FYN: variants seen among roughly 807,000 people sequenced by gnomAD.
FYN encodes tyrosine-protein kinase Fyn.
In FYN, 10 loss-of-function variants were observed where a neutral mutation model predicts 70.2. The observed-to-expected ratio is 0.14, with a 90% CI of 0.09 to 0.24. The LOEUF is 0.24. Ranked by LOEUF, FYN falls within the 10% of genes least tolerant of loss-of-function variation. The pLI is 1.00. For missense variants in FYN, 319 were observed against 673.1 expected (o/e 0.47, Z 5.82); for synonymous variants, 236 against 248.6 (o/e 0.95, Z 0.48).
intron 3 of FYN, chr6:111,759,832 GA>G (rs920597650): frequency 1.3e-5 from 2 of 152,196 alleles, no homozygotes; most frequent in Admixed American, 1.3e-4. Context: ...TTCAGAAAGT[GA>G]AAAATATTTA....
chr6:111,698,935 T>C (rs1019236851), intron 9 of FYN, among the ~76,000 whole-genome samples: 7 of 151,912 alleles, frequency 4.6e-5, no homozygotes, highest in African/African-American at 1.7e-4. Context: ...ATACAAAAAT[T>C]AGCTGGGCGT....
At chr6:111,752,341 C>T (rs1802526539) in intron 3 of FYN, among the ~76,000 whole-genome samples, 1 of 152,172 alleles carries the variant, frequency 6.6e-6, no homozygotes, top group Non-Finnish European at 1.5e-5. Context: ...AGCTATCAGC[C>T]CACTGGAGCA....
chr6:111,681,908 C>T (rs1460804684), intron 12 of FYN, among the ~76,000 whole-genome samples: 4 of 151,938 alleles, frequency 2.6e-5, no homozygotes, highest in Middle Eastern at 6.8e-3. Flanking sequence ...GGATTTGAAC[C>T]GAAGGTGCCA....
intron 1 of FYN, among the ~76,000 whole-genome samples, chr6:111,867,232 G>C (rs575167634): frequency 2.6e-5 from 4 of 152,204 alleles, no homozygotes; most frequent in Admixed American, 2.6e-4. Context: ...AGCACTTTGG[G>C]AAGCTGAGGT....
intron 3 of FYN, among the ~76,000 whole-genome samples, chr6:111,765,583 AC>A (rs1803198412): frequency 6.6e-6 from 1 of 152,072 alleles, no homozygotes; most frequent in East Asian, 1.9e-4. Context: ...AGGAACCTTT[AC>A]CTATTTCTCT....
At chr6:111,817,542 C>T (rs182658225) in intron 2 of FYN, among the ~76,000 whole-genome samples, 399 of 152,312 alleles carry the variant, frequency 2.6e-3, no homozygotes, top group Non-Finnish European at 4.5e-3. Flanking sequence ...TGCTATTTCA[C>T]TGGTTTGACT....
In FYN at chr6:111,787,511, CAA is replaced by C. The variant is rs1253849521; in HGVS notation, c.-81-6878_-81-6877del. Among the ~76,000 whole-genome samples, 3 of 151,990 alleles carry C rather than the reference CAA, an allele frequency of 2.0e-5. No individual in the cohort carries two copies. The East Asian group carries it at 5.8e-4, about 29-fold the overall frequency. ...AGTCAGGTAGCGTGATGCCTCCAGGCAAAGACAGGATTTTAACTCAAGACCCA... is the reference window on the plus strand; with the variant it reads ...AGTCAGGTAGCGTGATGCCTCCAGGCAGACAGGATTTTAACTCAAGACCCA... On this transcript the variant is annotated intron_variant, in intron 2 of 13. Transcript: ENST00000354650.
intron 10 of FYN, 123 bp downstream of exon 10, chr6:111,696,154 C>G: frequency 1.2e-6 from 1 of 810,634 alleles, no homozygotes; most frequent in South Asian, 2.9e-5. Context: ...ACTGGTGGTT[C>G]CTAATGGGAA....
intron 12 of FYN, among the ~76,000 whole-genome samples, chr6:111,692,369 T>C (rs754024949): frequency 2.0e-5 from 3 of 152,014 alleles, no homozygotes; most frequent in Admixed American, 6.6e-5. Flanking sequence ...TCAGGACAGC[T>C]AATGCAGAGG....
chr6:111,696,343 G>A lies in FYN; in HGVS notation c.976C>T (p.Leu326=). ...GACACCACTGCATAGAGCTGGACCA[G>A]CTTGTCGTGCTTCAGCTTCTTCATG... ...QIMKKLKHDK[L]VQLYAVVSEE... Residue 326 remains leucine (L), a synonymous_variant, in exon 10 of 14, where the codon CTG becomes TTG. Transcript: ENST00000354650. The A allele has an allele frequency of 6.2e-7, 1 of 1,614,000 alleles. No individual in the cohort carries two copies. Among genetic ancestry groups the A allele is most frequent in the Non-Finnish European group, 8.5e-7 (1 of 1,179,954 alleles).
At chr6:111,815,418 T>A (rs1772455136) in intron 2 of FYN, among the ~76,000 whole-genome samples, 1 of 151,968 alleles carries the variant, frequency 6.6e-6, no homozygotes, top group Non-Finnish European at 1.5e-5. Context: ...CAATTATACT[T>A]AATTTTCATT....
At chr6:111,703,888 G>C in intron 7 of FYN, 111 bp downstream of exon 7, 1 of 782,000 alleles carries the variant, frequency 1.3e-6, no homozygotes, top group South Asian at 1.7e-5. Context: ...ACAAGGCAGG[G>C]AGGGTATGTG....
Position 111,694,615 on chromosome 6 carries a change from C to T in FYN, c.1119+13G>A. On this transcript the variant is annotated intron_variant, in intron 11 of 13. Coordinates refer to ENST00000354650, the MANE Select transcript of FYN (RefSeq NM_002037.5). The surrounding 1 kb of genome is among the most constrained non-coding windows in gnomAD (Gnocchi z 5.0). ...TAAATCTATGGCACATCAAGTTACC[C>T]TGCAGGGCCTACCTGTGCTGCCATG... 1 of 1,613,940 alleles carries T rather than the reference C, an allele frequency of 6.2e-7. No homozygotes were observed. The highest frequency in any genetic ancestry group is 8.5e-7 in the Non-Finnish European group (1 of 1,179,862).
At chr6:111,780,442 A>G (rs1771131987) in intron 3 of FYN, 124 bp downstream of exon 3, 1 of 152,546 alleles carries the variant, frequency 6.6e-6, no homozygotes, top group African/African-American at 2.4e-5. Flanking sequence ...ACATTTAATT[A>G]TAGAACTCCA....
At chr6:111,845,975 C>T (rs1773515844) in intron 2 of FYN, among the ~76,000 whole-genome samples, 1 of 152,226 alleles carries the variant, frequency 6.6e-6, no homozygotes, top group Non-Finnish European at 1.5e-5. Context: ...AGCTTCCAAG[C>T]CCCTTCTGCA....
Position 111,778,769 on chromosome 6 carries a change from C to T in FYN, c.-12+1797G>A, listed in dbSNP as rs756602389. ...TCAGCCTCCTAAAGTGCTGGGATTG[C>T]AGGCGTGAGTCACCGCACCCAGCCT... On this transcript the variant is annotated intron_variant, in intron 3 of 13. Coordinates refer to ENST00000354650, the MANE Select transcript of FYN (RefSeq NM_002037.5). 4.5e-4 allele frequency among the ~76,000 whole-genome samples: 68 copies of T among 152,078 alleles called. 1 individual carries two copies. Among genetic ancestry groups the T allele is most frequent in the Admixed American group, 4.5e-3 (68 of 15,264 alleles).
At chr6:111,674,715 T>C in intron 12 of FYN, 85 bp from the exon 13 acceptor site, 1 of 1,454,236 alleles carries the variant, frequency 6.9e-7, no homozygotes, top group Non-Finnish European at 9.4e-7. Flanking sequence ...CTTGGCAAGC[T>C]ACTTTCCTGA....
rs541416271 is a variant in FYN at position 111,834,666 on chromosome 6, C to G, written c.-82+11923G>C. Among the ~76,000 whole-genome samples, 6 of 152,330 alleles carry G rather than the reference C, an allele frequency of 3.9e-5. No homozygotes were observed. The South Asian group carries it at 1.2e-3, about 32-fold the overall frequency. ...CAAGGAGTGCCCATTTCTAATCTGT[C>G]TGCCCAGAGTGCAGACACCTTTTGC... is the stretch of plus-strand genomic sequence containing the variant. On this transcript the variant is annotated intron_variant, in intron 2 of 13. Transcript: ENST00000354650.
At chr6:111,689,647 C>T (rs1313151265) in intron 12 of FYN, among the ~76,000 whole-genome samples, 1 of 152,150 alleles carries the variant, frequency 6.6e-6, no homozygotes, top group Non-Finnish European at 1.5e-5. Context: ...AAGAATCTCA[C>T]AGACATAATG....
Sources: allele counts gnomAD v4.1 joint callset (sites outside exome capture counted in the v4.1 genomes callset), GRCh38; gene constraint gnomAD v4.1.1; non-coding constraint Gnocchi (gnomAD v3.1); transcripts MANE v1.5; gene names NCBI Gene and HGNC (gene_info 2026-07-23, HGNC 2026-07-21).